Variants in RUVBL1 observed in about 807,000 individuals in gnomAD.
The protein encoded by RUVBL1 is RuvB like AAA ATPase 1.
Under a neutral mutation model 52.4 loss-of-function variants are expected in RUVBL1, and 4 were observed. The ratio of observed to expected loss-of-function variants is 0.08; its 90% CI spans 0.04 to 0.17. The LOEUF (loss-of-function observed/expected upper bound fraction) is 0.17. RUVBL1 is among the 10% of genes least tolerant of loss of function. RUVBL1 has a pLI of 1.00. For synonymous variants in RUVBL1, 217 were observed against 214.4 expected (o/e 1.01, Z -0.10); for missense variants, 298 against 572.8 (o/e 0.52, Z 4.90).
intron 3 of RUVBL1, among the ~76,000 whole-genome samples, chr3:128,107,622 C>T (rs1943276551): frequency 6.6e-6 from 1 of 152,224 alleles, no homozygotes; most frequent in African/African-American, 2.4e-5. Context: ...AAAAGTTTTA[C>T]TCTACCTTCA....
At chr3:128,149,168 T>C (rs1053462267) in intron 1 of RUVBL1, among the ~76,000 whole-genome samples, 13 of 151,160 alleles carry the variant, frequency 8.6e-5, no homozygotes, top group African/African-American at 3.2e-4. Flanking sequence ...ATAATTTCTC[T>C]TCTTTCCTCT....
intron 9 of RUVBL1, chr3:128,071,185 G>C (rs1159687689): frequency 6.5e-6 from 1 of 152,858 alleles, no homozygotes; most frequent in Non-Finnish European, 1.5e-5. Flanking sequence ...GAAGGGACTT[G>C]CCTAAAGCCA....
intron 8 of RUVBL1, among the ~76,000 whole-genome samples, chr3:128,089,659 C>G (rs7355887): frequency 0.72 from 109,322 of 152,040 alleles, 39,460 homozygotes; most frequent in East Asian, 0.88. Context: ...AGGATGAACC[C>G]TGAAAACATG....
At chr3:128,109,989 G>C (rs1022962097) in intron 3 of RUVBL1, among the ~76,000 whole-genome samples, 8 of 151,740 alleles carry the variant, frequency 5.3e-5, no homozygotes, top group African/African-American at 1.5e-4. Context: ...CTAATTTTTT[G>C]TATTTTTAGT....
chr3:128,067,219 C>A lies in RUVBL1; in HGVS notation c.940-1999G>T. ...TGCAGTGGTTTCTATCAGTGTCTTGCTCATGAACAGATATTTCATCCAAAG... is the reference window on the plus strand; with the variant it reads ...TGCAGTGGTTTCTATCAGTGTCTTGATCATGAACAGATATTTCATCCAAAG... On this transcript the variant is annotated intron_variant, in intron 9 of 9. Coordinates refer to the RUVBL1 transcript ENST00000464873. The surrounding 1 kb of genome is among the most constrained non-coding windows in gnomAD (Gnocchi z 4.1). 3 of 1,432,510 alleles carry A rather than the reference C, an allele frequency of 2.1e-6. No homozygotes were observed. The highest frequency in any genetic ancestry group is 1.2e-5 in the South Asian group (1 of 85,692). The allele number at this position is 1,432,510 out of a possible 1,614,324, so 88.7% of individuals were successfully genotyped here.
intron 1 of RUVBL1, among the ~76,000 whole-genome samples, chr3:128,121,986 G>C (rs543720188): frequency 6.6e-6 from 1 of 152,280 alleles, no homozygotes; most frequent in South Asian, 2.1e-4. Flanking sequence ...CATTTTTCAG[G>C]GAGGTTACTG....
upstream of RUVBL1, among the ~76,000 whole-genome samples, chr3:128,125,116 G>C (rs577232704): frequency 6.9e-4 from 94 of 136,808 alleles, no homozygotes; most frequent in South Asian, 2.7e-3. Flanking sequence ...CCGGGTTCAC[G>C]CCATTCTCCT....
At position 128,067,849 on chromosome 3, in the gene RUVBL1, C is replaced by G. The variant is rs569165517; in HGVS notation, c.940-2629G>C. 1.3e-6 allele frequency: 1 copy of G among 770,826 alleles called. No homozygotes were observed. The highest frequency in any genetic ancestry group is 2.2e-6 in the Non-Finnish European group (1 of 451,418). The allele number at this position is 770,826 out of a possible 1,614,324, so 47.7% of individuals were successfully genotyped here. On this transcript the variant is annotated intron_variant, in intron 9 of 9. Coordinates refer to the RUVBL1 transcript ENST00000464873. This position sits in a 1 kb window ranked among gnomAD's most constrained non-coding sequence, Gnocchi z 4.1. ...TAGACTTTTTCATATGACTTCCTTG[C>G]GGCAGTTTTAAAGTTCTCTGTATGA...
chr3:128,066,567 C>T (rs967207938), intron 9 of RUVBL1: 5 of 208,654 alleles, frequency 2.4e-5, no homozygotes, highest in African/African-American at 9.3e-5. Flanking sequence ...GGACTACAGG[C>T]GCGCACCACC....
intron 9 of RUVBL1, chr3:128,084,363 C>G (rs879603740): frequency 6.6e-6 from 1 of 152,226 alleles, no homozygotes; most frequent in Admixed American, 6.5e-5. Flanking sequence ...CAGAACTCCC[C>G]CCTGAACACA....
intron 9 of RUVBL1, among the ~76,000 whole-genome samples, chr3:128,087,277 T>A (rs1942675111): frequency 6.6e-6 from 1 of 152,268 alleles, no homozygotes; most frequent in Non-Finnish European, 1.5e-5. Flanking sequence ...ACAGCGAGCC[T>A]GGCCTTGTCC....
intron 2 of RUVBL1, among the ~76,000 whole-genome samples, chr3:128,113,995 T>C (rs1943458186): frequency 6.6e-6 from 1 of 152,254 alleles, no homozygotes; most frequent in African/African-American, 2.4e-5. Flanking sequence ...TCTTAACAAG[T>C]TACACTTAAA....
chr3:128,109,788 T>C (rs13062252), intron 3 of RUVBL1, among the ~76,000 whole-genome samples: 21,409 of 146,500 alleles, frequency 0.15, 1,800 homozygotes, highest in African/African-American at 0.23. Context: ...CCATGAGCCA[T>C]CAGGCCTGGC....
At position 128,067,507 on chromosome 3, in the gene RUVBL1, G is replaced by C. The variant is rs1942016204; in HGVS notation, c.940-2287C>G. The C allele has an allele frequency of 1.2e-6, 2 of 1,614,178 alleles. No homozygotes were observed. The highest frequency in any genetic ancestry group is 1.7e-6 in the Non-Finnish European group (2 of 1,180,014). ...CCCCTCCAGAATCTTTTGGCTCCGT[G>C]TTAGAAGACCCGGTCCATGCAGTTG... is the stretch of plus-strand genomic sequence containing the variant. On this transcript the variant is annotated intron_variant, in intron 9 of 9. Coordinates refer to the RUVBL1 transcript ENST00000464873. This position sits in a 1 kb window ranked among gnomAD's most constrained non-coding sequence, Gnocchi z 4.1.
downstream of RUVBL1, among the ~76,000 whole-genome samples, chr3:128,077,043 C>T (rs551327463): frequency 2.3e-3 from 343 of 151,636 alleles, 1 homozygote; most frequent in African/African-American, 7.5e-3. Flanking sequence ...GCGGCCCAGC[C>T]GCCGCCCGCT....
At chr3:128,101,170 C>T (rs1005486342) in intron 5 of RUVBL1, among the ~76,000 whole-genome samples, 2 of 152,134 alleles carry the variant, frequency 1.3e-5, no homozygotes, top group Non-Finnish European at 2.9e-5. Flanking sequence ...AGAATGCCAA[C>T]GAATGCAGCG....
rs185484155 is a variant in RUVBL1 at position 128,087,805 on chromosome 3, G to A, written c.1020C>T (p.Gly340=). ...ASNRGNCVIR[G]TEDITSPHGI... Reference sequence around the variant, plus strand: ...CGTGAGGGGATGTGATGTCCTCAGTGCCTCTGTAAGGGGCAAAATTAATCC... The same window carrying A: ...CGTGAGGGGATGTGATGTCCTCAGTACCTCTGTAAGGGGCAAAATTAATCC... Residue 340 remains glycine (G), a synonymous_variant, in exon 9 of 11, where the codon GGC becomes GGT. Coordinates refer to ENST00000322623, the MANE Select transcript of RUVBL1 (RefSeq NM_003707.3). 9.9e-6 allele frequency: 16 copies of A among 1,612,766 alleles called. No homozygotes were observed. The Admixed American group carries it at 2.0e-4, about 20-fold the overall frequency.
chr3:128,113,444 T>C (rs1395408056), intron 2 of RUVBL1, among the ~76,000 whole-genome samples: 4 of 152,202 alleles, frequency 2.6e-5, no homozygotes, highest in Non-Finnish European at 2.9e-5. Context: ...TTATCATAAT[T>C]AGAAGAGTCT....
chr3:128,112,863 C>T, intron 3 of RUVBL1, 25 bp downstream of exon 3: 2 of 1,610,104 alleles, frequency 1.2e-6, no homozygotes, highest in Non-Finnish European at 1.7e-6. Context: ...AGACCAACTC[C>T]TCCCACAAAT....
Sources: allele counts gnomAD v4.1 joint callset (sites outside exome capture counted in the v4.1 genomes callset), GRCh38; gene constraint gnomAD v4.1.1; non-coding constraint Gnocchi (gnomAD v3.1); transcripts MANE v1.5; gene names NCBI Gene and HGNC (gene_info 2026-07-23, HGNC 2026-07-21).